The following CTIF variants were observed in gnomAD, a reference collection of about 807,000 sequenced individuals.
CTIF encodes the protein cap binding complex dependent translation initiation factor.
A neutral mutation model predicts 66.0 loss-of-function variants in CTIF; 21 were observed. The observed-to-expected ratio is 0.32, with a 90% confidence interval of 0.23 to 0.46. CTIF has a LOEUF of 0.46. Among genes scored for constraint, CTIF ranks in the 20% least tolerant of loss-of-function variants. CTIF has a pLI of 1.00. For missense variants in CTIF, 739 were observed against 812.7 expected (o/e 0.91, Z 1.10); for synonymous variants, 345 against 326.4 (o/e 1.06, Z -0.62).
At chr18:48,620,642 G>A (rs16949664) in intron 2 of CTIF, among the ~76,000 whole-genome samples, 81,370 of 152,076 alleles carry the variant, frequency 0.54, 25,103 homozygotes, top group East Asian at 0.85. Flanking sequence ...GAGAATCAGT[G>A]CTGCCTGCAC....
At chr18:48,546,968 TGGG>T (rs1243119778) in intron 1 of CTIF, among the ~76,000 whole-genome samples, 5 of 152,058 alleles carry the variant, frequency 3.3e-5, no homozygotes, top group Non-Finnish European at 5.9e-5. Context: ...TGTAAAGACT[TGGG>T]GGCCAGTGTC....
At chr18:48,639,117 G>C (rs1018363773) in intron 3 of CTIF, among the ~76,000 whole-genome samples, 1 of 152,246 alleles carries the variant, frequency 6.6e-6, no homozygotes, top group Admixed American at 6.5e-5. Flanking sequence ...CAGAGTCTGC[G>C]ACGCCCATGC....
intron 7 of CTIF, among the ~76,000 whole-genome samples, chr18:48,712,580 A>G (rs1422887818): frequency 1.3e-5 from 2 of 152,246 alleles, no homozygotes; most frequent in East Asian, 3.8e-4. Context: ...CAGGAATTAA[A>G]ATGAGGTGTT....
rs1404922150 is a variant in CTIF at position 48,814,242 on chromosome 18, C to G, written c.1372-2979C>G. ...TTGATAGAGGGGCACCATTTTAACA[C>G]CCGAGTTAGCACTTGATAAAGGCCT... On this transcript the variant is annotated intron_variant, in intron 9 of 11. Coordinates refer to ENST00000256413, the MANE Select transcript of CTIF (RefSeq NM_014772.3). 2.6e-5 allele frequency among the ~76,000 whole-genome samples: 4 copies of G among 152,170 alleles called. No individual in the cohort carries two copies. In the East Asian group the frequency reaches 7.7e-4, roughly 29 times the overall value.
chr18:48,831,489 C>T (rs1184924457), intron 10 of CTIF, among the ~76,000 whole-genome samples: 1 of 152,218 alleles, frequency 6.6e-6, no homozygotes, highest in African/African-American at 2.4e-5. Context: ...GCCCTCCTCA[C>T]TGCCCCTCCC....
intron 10 of CTIF, among the ~76,000 whole-genome samples, chr18:48,819,126 C>T (rs1000764254): frequency 1.3e-5 from 2 of 152,356 alleles, no homozygotes; most frequent in Middle Eastern, 3.4e-3. Flanking sequence ...GCCTCTGCCA[C>T]TCCATGTACC....
At chr18:48,620,276 G>T (rs561826001) in intron 2 of CTIF, among the ~76,000 whole-genome samples, 1 of 152,160 alleles carries the variant, frequency 6.6e-6, no homozygotes, top group Non-Finnish European at 1.5e-5. Flanking sequence ...TCCAACCAGC[G>T]TCATGTTTGG....
intron 8 of CTIF, among the ~76,000 whole-genome samples, chr18:48,759,738 T>C (rs1001692298): frequency 6.6e-6 from 1 of 152,222 alleles, no homozygotes; most frequent in African/African-American, 2.4e-5. Flanking sequence ...GTATTCCTAT[T>C]CTATATGCAG....
In CTIF at chr18:48,592,210, G is replaced by A. The variant is rs553222486; in HGVS notation, c.-28-27328G>A. Among the ~76,000 whole-genome samples, 4 of 143,744 alleles carry A rather than the reference G, an allele frequency of 2.8e-5. No individual in the cohort carries two copies. The East Asian group carries it at 7.8e-4, about 28-fold the overall frequency. The allele number at this position is 143,744 out of a possible 152,430, so 94.3% of individuals were successfully genotyped here. ...AGCTTCCTGGGTTGGTTTGAAAATA[G>A]CTCTCCTGGCTGGGTGCAGTGGCTC... is the stretch of plus-strand genomic sequence containing the variant. On this transcript the variant is annotated intron_variant, in intron 1 of 11. Coordinates refer to ENST00000256413, the MANE Select transcript of CTIF (RefSeq NM_014772.3).
At chr18:48,853,288 G>C (rs992897622) in intron 10 of CTIF, among the ~76,000 whole-genome samples, 9 of 152,134 alleles carry the variant, frequency 5.9e-5, no homozygotes, top group Non-Finnish European at 4.4e-5. Flanking sequence ...GTAGGTGGGG[G>C]ATGGTGGCTG....
chr18:48,724,231 CA>C (rs2092366280), intron 7 of CTIF, among the ~76,000 whole-genome samples: 1 of 152,190 alleles, frequency 6.6e-6, no homozygotes, highest in Non-Finnish European at 1.5e-5. Flanking sequence ...GACACAGACT[CA>C]CCAACAACTT....
intron 1 of CTIF, among the ~76,000 whole-genome samples, chr18:48,583,049 G>A (rs2089693881): frequency 6.6e-6 from 1 of 152,222 alleles, no homozygotes; most frequent in Non-Finnish European, 1.5e-5. Flanking sequence ...TGTCTGCTGT[G>A]GTGGAGGGGA....
chr18:48,636,827 C>T, intron 3 of CTIF, 142 bp downstream of exon 3: 2 of 501,438 alleles, frequency 4.0e-6, no homozygotes, highest in Non-Finnish European at 6.6e-6. Context: ...CATCTGTTCC[C>T]TGGAAAGCCC....
chr18:48,697,248 G>A lies in CTIF; in HGVS notation c.508-14371G>A, dbSNP rs9955996. On this transcript the variant is annotated intron_variant, in intron 6 of 11. Coordinates refer to ENST00000256413, the MANE Select transcript of CTIF (RefSeq NM_014772.3). Reference sequence around the variant, plus strand: ...AAGGCACTGTGCCAGACACTGTGGGGCCTACAGAAGTGAAGGAAGCATGGC... The same window carrying A: ...AAGGCACTGTGCCAGACACTGTGGGACCTACAGAAGTGAAGGAAGCATGGC... Among the ~76,000 whole-genome samples the A allele has an allele frequency of 2.4e-3, 365 of 152,320 alleles. 1 individual carries two copies. The highest frequency in any genetic ancestry group is 8.1e-3 in the African/African-American group (335 of 41,566).
chr18:48,565,035 A>T (rs1432326359), intron 1 of CTIF: 1 of 152,186 alleles, frequency 6.6e-6, no homozygotes, highest in Non-Finnish European at 1.5e-5. Context: ...TAATTTTTGC[A>T]TATTAAGTCA....
At chr18:48,742,844 G>T (rs1167895609) in intron 7 of CTIF, among the ~76,000 whole-genome samples, 1 of 152,166 alleles carries the variant, frequency 6.6e-6, no homozygotes. Context: ...AAACAGTGCA[G>T]TGTGAGTCCT....
intron 6 of CTIF, among the ~76,000 whole-genome samples, chr18:48,701,426 G>A (rs2092082661): frequency 6.6e-6 from 1 of 152,182 alleles, no homozygotes. Context: ...TAAGTGGCCT[G>A]TGTTCAAGTC....
intron 6 of CTIF, among the ~76,000 whole-genome samples, chr18:48,683,533 G>A (rs2091783254): frequency 6.6e-6 from 1 of 151,442 alleles, no homozygotes; most frequent in African/African-American, 2.4e-5. Context: ...CCCACTTTTG[G>A]GGTGCTCCTG....
At chr18:48,678,706 G>A (rs755998006) in intron 6 of CTIF, among the ~76,000 whole-genome samples, 9 of 151,318 alleles carry the variant, frequency 5.9e-5, no homozygotes, top group Non-Finnish European at 1.3e-4. Flanking sequence ...GGGTTTCCAC[G>A]CGGGCCTCCT....
Sources: allele counts gnomAD v4.1 joint callset (sites outside exome capture counted in the v4.1 genomes callset), GRCh38; gene constraint gnomAD v4.1.1; transcripts MANE v1.5; gene names NCBI Gene and HGNC (gene_info 2026-07-23, HGNC 2026-07-21).